RSF1: variants seen among roughly 807,000 people sequenced by gnomAD.
The protein encoded by RSF1 is HBV pX-associated protein 8.
RSF1 carries 13 observed loss-of-function variants against 145.2 expected under a neutral mutation model. That is an observed-to-expected ratio of 0.09 (90% CI 0.06 to 0.14). The LOEUF is 0.14. Among genes scored for constraint, RSF1 ranks in the 10% least tolerant of loss-of-function variants. RSF1 has a pLI of 1.00. For synonymous variants in RSF1, 577 were observed against 592.6 expected (o/e 0.97, Z 0.38); for missense variants, 1,517 against 1,718.2 (o/e 0.88, Z 2.07).
rs948451258 is a variant in RSF1 at position 77,664,804 on chromosome 11, G to C, written c.*2113C>G. 1 of 152,188 alleles carries C rather than the reference G, an allele frequency of 6.6e-6. No homozygotes were observed. Among genetic ancestry groups the C allele is most frequent in the African/African-American group, 2.4e-5 (1 of 41,442 alleles). 9.4% of individuals were successfully genotyped at this position (152,188 alleles called of 1,614,324 possible). On this transcript the variant is annotated 3_prime_UTR_variant, in exon 16 of 16. Coordinates refer to ENST00000308488, the MANE Select transcript of RSF1 (RefSeq NM_016578.4). Reference sequence around the variant, plus strand: ...CTTGCAAATAAATAAAACAAACCTAGCTGGAAAGGAGACTGTTAAGTAAAT... The same window carrying C: ...CTTGCAAATAAATAAAACAAACCTACCTGGAAAGGAGACTGTTAAGTAAAT...
chr11:77,691,509 T>C (rs1960148355), intron 8 of RSF1: 2 of 406,346 alleles, frequency 4.9e-6, no homozygotes, highest in East Asian at 9.0e-5. Context: ...AGTCAATGTT[T>C]AAAACAGCAT....
chr11:77,660,289 G>C lies in RSF1; in HGVS notation c.*6628C>G, dbSNP rs539344703. The C allele has an allele frequency of 4.6e-5, 7 of 152,100 alleles. No homozygotes were observed. Among genetic ancestry groups the C allele is most frequent in the Non-Finnish European group, 8.8e-5 (6 of 68,004 alleles). 9.4% of individuals were successfully genotyped at this position (152,100 alleles called of 1,614,324 possible). A position where few individuals can be genotyped will look rare whatever the true frequency, so the allele number is the denominator to read the frequency against. ...TATGCACTGCAATTCTAACACACTAGGTGTTCATACACTGAAGTTAACCCC... is the reference window on the plus strand; with the variant it reads ...TATGCACTGCAATTCTAACACACTACGTGTTCATACACTGAAGTTAACCCC... On this transcript the variant is annotated 3_prime_UTR_variant, in exon 16 of 16. Coordinates refer to ENST00000308488, the MANE Select transcript of RSF1 (RefSeq NM_016578.4).
rs1344235350 is a variant in RSF1, at chr11:77,666,933, T to C, written c.4310A>G (p.Asn1437Ser). ...RVTDLVDYVC[N>S]SEQL ...AAAAAAGTCTTATAACTGTTCACTG[T>C]TACAGACATAATCAACAAGGTCAGT... The change falls in exon 16 of 16, where the codon AAC becomes AGC. Residue 1437 changes from asparagine to serine, a missense_variant. Asn to Ser is a conservative substitution (Grantham distance 46, BLOSUM62 1). Around this residue, in one of 12 missense-constraint regions of RSF1, gnomAD observed 10 missense variants for 29.5 expected, o/e 0.34. Coordinates refer to ENST00000308488, the MANE Select transcript of RSF1 (RefSeq NM_016578.4). 1.3e-6 allele frequency: 2 copies of C among 1,576,622 alleles called. No homozygotes were observed. Among genetic ancestry groups the C allele is most frequent in the African/African-American group, 2.7e-5 (2 of 73,960 alleles).
chr11:77,790,698 G>A (rs956074475), intron 1 of RSF1, among the ~76,000 whole-genome samples: 4 of 152,196 alleles, frequency 2.6e-5, no homozygotes, highest in Non-Finnish European at 1.5e-5. Flanking sequence ...GGGAGACACT[G>A]ACCAAAACAA....
chr11:77,731,977 G>A (rs1363282411), intron 4 of RSF1, among the ~76,000 whole-genome samples: 2 of 152,222 alleles, frequency 1.3e-5, no homozygotes, highest in African/African-American at 4.8e-5. Context: ...GCTGTGAGAA[G>A]AGGACCACTG....
At chr11:77,859,332 C>T in the RSF1 span, among the ~76,000 whole-genome samples, 1 of 152,188 alleles carries the variant, frequency 6.6e-6, no homozygotes. Flanking sequence ...CCTTTCCTTT[C>T]CTTTCTGATG....
chr11:77,814,960 A>C (rs1299366911), intron 1 of RSF1, among the ~76,000 whole-genome samples: 1 of 152,192 alleles, frequency 6.6e-6, no homozygotes, highest in Non-Finnish European at 1.5e-5. Flanking sequence ...AGCACACTGG[A>C]GCTAGCAGGC....
At chr11:77,754,233 T>A (rs1948093552) in intron 2 of RSF1, among the ~76,000 whole-genome samples, 1 of 151,584 alleles carries the variant, frequency 6.6e-6, no homozygotes, top group Non-Finnish European at 1.5e-5. Context: ...ATGCTGAAAA[T>A]AAAAAAGAGT....
chr11:77,690,924 GTATCA>G, intron 9 of RSF1: 1 of 512,244 alleles, frequency 2.0e-6, no homozygotes, highest in Non-Finnish European at 3.4e-6. Flanking sequence ...TAAAATTTGA[GTATCA>G]TATAATTTTC....
intron 5 of RSF1, among the ~76,000 whole-genome samples, chr11:77,709,044 G>A (rs957300797): frequency 6.6e-6 from 1 of 152,154 alleles, no homozygotes; most frequent in Non-Finnish European, 1.5e-5. Flanking sequence ...GATAAACCCT[G>A]GTCAGTCAAT....
rs1960448896 is a variant in RSF1, at chr11:77,702,408, G to A, written c.821C>T (p.Thr274Ile). ...ATCTTCTTTTTCTTTTTTCACAGTAGTCTCTTCTAGAACATTGGCTGTAGA... is the reference window on the plus strand; with the variant it reads ...ATCTTCTTTTTCTTTTTTCACAGTAATCTCTTCTAGAACATTGGCTGTAGA... Reference protein sequence around the residue: ...NRSTANVLEETTVKKEKEDEK... With the variant: ...NRSTANVLEEITVKKEKEDEK... The change falls in exon 6 of 16, where the codon ACT becomes ATT. Residue 274 changes from threonine (T) to isoleucine (I), a missense_variant. Around this residue, in one of 12 missense-constraint regions of RSF1, gnomAD observed 207 missense variants for 191.4 expected, o/e 1.08. Coordinates refer to ENST00000308488, the MANE Select transcript of RSF1 (RefSeq NM_016578.4). 1.9e-6 allele frequency: 3 copies of A among 1,607,210 alleles called. No homozygotes were observed. The highest frequency in any genetic ancestry group is 2.5e-6 in the Non-Finnish European group (3 of 1,178,438).
rs930601756 is a variant in RSF1, at chr11:77,733,909, G to C, written c.578+6822C>G. On this transcript the variant is annotated intron_variant, in intron 4 of 15. Transcript: ENST00000308488. Reference sequence around the variant, plus strand: ...ATTCTATTGACATACCCCATGGAGTGAATAAAATCACTTATTACATCATAT... The same window carrying C: ...ATTCTATTGACATACCCCATGGAGTCAATAAAATCACTTATTACATCATAT... 3.0e-4 allele frequency among the ~76,000 whole-genome samples: 46 copies of C among 152,064 alleles called. 1 individual carries two copies. Among genetic ancestry groups the C allele is most frequent in the Non-Finnish European group, 1.9e-4 (13 of 68,002 alleles).
At chr11:77,770,202 C>T (rs1310763085) in intron 1 of RSF1, among the ~76,000 whole-genome samples, 2 of 152,194 alleles carry the variant, frequency 1.3e-5, no homozygotes, top group East Asian at 1.9e-4. Flanking sequence ...GTGGCTCGTG[C>T]CTGTAATCCC....
chr11:77,816,235 G>A (rs761227588), intron 1 of RSF1, among the ~76,000 whole-genome samples: 1 of 152,188 alleles, frequency 6.6e-6, no homozygotes, highest in Non-Finnish European at 1.5e-5. Flanking sequence ...TACCACTGTA[G>A]ACTCATGCAA....
chr11:77,734,470 G>A (rs1014951687), intron 4 of RSF1: 23 of 1,585,418 alleles, frequency 1.5e-5, no homozygotes, highest in Admixed American at 6.7e-5. Flanking sequence ...GAAATTAGCC[G>A]AGGCTTAGCT....
intron 1 of RSF1, among the ~76,000 whole-genome samples, chr11:77,814,570 C>T (rs558855677): frequency 1.3e-5 from 2 of 151,978 alleles, no homozygotes; most frequent in East Asian, 1.9e-4. Flanking sequence ...CTCGGTCTCC[C>T]GAGTAGCTGG....
intron 1 of RSF1, chr11:77,813,567 G>A: frequency 1.5e-6 from 1 of 687,788 alleles, no homozygotes; most frequent in South Asian, 1.5e-5. Context: ...GATGAAGTCA[G>A]CACACACCTT....
chr11:77,836,892 G>A, the RSF1 span, among the ~76,000 whole-genome samples: 1 of 152,124 alleles, frequency 6.6e-6, no homozygotes, highest in Non-Finnish European at 1.5e-5. Flanking sequence ...TTGAACCCGG[G>A]AGGCGGAGGT....
At chr11:77,783,655 A>T (rs1948426640) in intron 1 of RSF1, among the ~76,000 whole-genome samples, 1 of 151,978 alleles carries the variant, frequency 6.6e-6, no homozygotes. Context: ...CAGCCTGGGC[A>T]ACACAGCGAG....
Sources: allele counts gnomAD v4.1 joint callset (sites outside exome capture counted in the v4.1 genomes callset), GRCh38; gene constraint gnomAD v4.1.1; regional missense constraint gnomAD v4.1.1; transcripts MANE v1.5; gene names NCBI Gene and HGNC (gene_info 2026-07-23, HGNC 2026-07-21).